Variants in TMEM161A observed in about 807,000 individuals in gnomAD.
The protein encoded by TMEM161A is transmembrane protein 161A.
In TMEM161A, 46 loss-of-function variants were observed where a neutral mutation model predicts 57.1. That is an observed-to-expected ratio of 0.81 (90% confidence interval 0.64 to 1.03). The LOEUF is 1.03. TMEM161A is among the 50% of genes least tolerant of loss of function. The probability of loss-of-function intolerance (pLI) is 0.00; values close to 1 mark genes in which losing one functional copy is unlikely to be tolerated. For missense variants in TMEM161A, 601 were observed against 621.5 expected, an observed-to-expected ratio of 0.97 and a Z score of 0.35; for synonymous variants, 288 against 279.0, an observed-to-expected ratio of 1.03 and a Z score of -0.32.
At chr19:19,123,610 A>G (rs2059919635) in intron 6 of TMEM161A, among the ~76,000 whole-genome samples, 1 of 152,234 alleles carries the variant, frequency 6.6e-6, no homozygotes, top group Non-Finnish European at 1.5e-5. Flanking sequence ...CTACATTGAA[A>G]ATATCCAGCT....
rs2059993709 is a variant in TMEM161A at position 19,138,442 on chromosome 19, A to C, written c.-14T>G. The C allele has an allele frequency of 6.2e-7, 1 of 1,601,150 alleles. No homozygotes were observed. The highest frequency in any genetic ancestry group is 8.5e-7 in the Non-Finnish European group (1 of 1,174,168). On this transcript the variant is annotated 5_prime_UTR_variant, in exon 1 of 12. Coordinates refer to ENST00000162044, the MANE Select transcript of TMEM161A (RefSeq NM_017814.3). ...CTCGCTCACCATGACGCGTGCGAGA[A>C]CGCGGTGCACTCACCCACCGGCCTA...
At position 19,132,973 on chromosome 19, in the gene TMEM161A, C is replaced by G. The variant is rs2059965892; in HGVS notation, c.188+157G>C. 4.1e-6 allele frequency: 3 copies of G among 738,870 alleles called. No homozygotes were observed. Among genetic ancestry groups the G allele is most frequent in the Non-Finnish European group, 6.6e-6 (3 of 456,304 alleles). 45.8% of individuals were successfully genotyped at this position (738,870 alleles called of 1,614,324 possible). ...ACTTGACAGTGACCATCTCCTTGGA[C>G]TAGGGTCTCCCGGTTCACCTGTGCC... On this transcript the variant is annotated intron_variant, in intron 3 of 11. Transcript: ENST00000162044. The surrounding 1 kb of genome is among the most constrained non-coding windows in gnomAD (Gnocchi z 4.3).
chr19:19,132,590 C>T lies in TMEM161A; in HGVS notation c.286+67G>A. Reference sequence around the variant, plus strand: ...CATTCTTCCTTCAAATCCTCCCCACCCCCATGAGGGTGTGGAGACCTTCAG... The same window carrying T: ...CATTCTTCCTTCAAATCCTCCCCACTCCCATGAGGGTGTGGAGACCTTCAG... On this transcript the variant is annotated intron_variant, in intron 4 of 11. Coordinates refer to ENST00000162044, the MANE Select transcript of TMEM161A (RefSeq NM_017814.3). This position sits in a 1 kb window ranked among gnomAD's most constrained non-coding sequence, Gnocchi z 4.3. 3 of 1,572,130 alleles carry T rather than the reference C, an allele frequency of 1.9e-6. No homozygotes were observed. Among genetic ancestry groups the T allele is most frequent in the Non-Finnish European group, 2.6e-6 (3 of 1,157,692 alleles).
chr19:19,119,779 G>A lies in TMEM161A; in HGVS notation c.*151C>T. ...GAGGCAGAAACTCGGCGTCCAAGGGGGGCCGCGGGTCAGGCACTGTGGTGA... is the reference window on the plus strand; with the variant it reads ...GAGGCAGAAACTCGGCGTCCAAGGGAGGCCGCGGGTCAGGCACTGTGGTGA... On this transcript the variant is annotated 3_prime_UTR_variant, in exon 12 of 12. Transcript: ENST00000162044. 2.0e-6 allele frequency: 2 copies of A among 982,816 alleles called. No individual in the cohort carries two copies. The highest frequency in any genetic ancestry group is 2.8e-5 in the Admixed American group (1 of 35,438). The allele number at this position is 982,816 out of a possible 1,614,324, so 60.9% of individuals were successfully genotyped here.
chr19:19,133,383 TCTAGGCTGAG>T, intron 2 of TMEM161A, 173 bp from the exon 3 acceptor site: 1 of 614,354 alleles, frequency 1.6e-6, no homozygotes. Flanking sequence ...GACCAACAGA[TCTAGGCTGAG>T]TGGGCTCCGG....
At chr19:19,123,975 A>T (rs2090044871) in intron 6 of TMEM161A, among the ~76,000 whole-genome samples, 1 of 151,732 alleles carries the variant, frequency 6.6e-6, no homozygotes, top group African/African-American at 2.4e-5. Context: ...AATCGCTTGA[A>T]CCCAGGAGGT....
chr19:19,120,254 G>A, intron 11 of TMEM161A, 71 bp from the exon 12 acceptor site: 2 of 1,307,596 alleles, frequency 1.5e-6, no homozygotes, highest in Non-Finnish European at 2.1e-6. Context: ...GGCTGGCACG[G>A]GGGGCCAGGC....
chr19:19,125,548 G>A (rs1393598500), intron 6 of TMEM161A, among the ~76,000 whole-genome samples: 30 of 133,586 alleles, frequency 2.2e-4, no homozygotes, highest in Non-Finnish European at 4.0e-4. Context: ...ACGGAGTCTC[G>A]CTCTGTTGCC....
Position 19,121,761 on chromosome 19 carries a change from C to T in TMEM161A, c.654G>A (p.Trp218Ter), listed in dbSNP as rs760421236. ...EPLLKKQGWD[W>*]ALPVAKLAIR... ...CCTCCCCCATTCCCAGGACTCACGC[C>T]CAGTCCCAGCCCTGCTTCTTCAGAA... Residue 218 changes from tryptophan (W) to a stop codon, truncating the protein, a stop_gained and splice_region_variant, in exon 7 of 12, where the codon TGG becomes TGA. Transcript: ENST00000162044. LOFTEE classifies it high-confidence loss of function. The surrounding 1 kb of genome is among the most constrained non-coding windows in gnomAD (Gnocchi z 5.8). The T allele has an allele frequency of 1.2e-6, 2 of 1,614,090 alleles. No homozygotes were observed. The highest frequency in any genetic ancestry group is 2.2e-5 in the East Asian group (1 of 44,878).
At chr19:19,138,352 T>G in intron 1 of TMEM161A, 74 bp downstream of exon 1, 1 of 1,561,616 alleles carries the variant, frequency 6.4e-7, no homozygotes, top group Admixed American at 1.9e-5. Flanking sequence ...ATCCATTCCC[T>G]CAGTGTCTCC....
intron 1 of TMEM161A, among the ~76,000 whole-genome samples, chr19:19,135,509 T>C (rs886967597): frequency 6.6e-6 from 1 of 152,184 alleles, no homozygotes; most frequent in Non-Finnish European, 1.5e-5. Context: ...CCTCCTGTTT[T>C]GGTGTGAAGA....
rs1283681368 is a variant in TMEM161A at position 19,121,784 on chromosome 19, G to C, written c.631C>G (p.Leu211Val). ...GCCCAGTCCCAGCCCTGCTTCTTCAGAAGTGGCTCTAAGTTCTGGGTCATG... is the reference window on the plus strand; with the variant it reads ...GCCCAGTCCCAGCCCTGCTTCTTCACAAGTGGCTCTAAGTTCTGGGTCATG... ...ASMTQNLEPL[L>V]KKQGWDWALP... is the part of the protein sequence containing the mutation. Residue 211 changes from leucine to valine, a missense_variant, in exon 7 of 12, where the codon CTG (leucine) becomes GTG (valine). By Grantham distance (32) the Leu-to-Val change is conservative. Transcript: ENST00000162044. This position sits in a 1 kb window ranked among gnomAD's most constrained non-coding sequence, Gnocchi z 5.8. 4 of 1,613,916 alleles carry C rather than the reference G, an allele frequency of 2.5e-6. No homozygotes were observed. In the African/African-American group the frequency reaches 4.0e-5, roughly 16 times the overall value.
chr19:19,123,298 G>C (rs894560291), intron 6 of TMEM161A, among the ~76,000 whole-genome samples: 30 of 152,196 alleles, frequency 2.0e-4, no homozygotes, highest in Non-Finnish European at 1.2e-4. Context: ...GAAGTTTGCA[G>C]AATGAAAGAC....
At chr19:19,136,461 G>T (rs1043950125) in intron 1 of TMEM161A, among the ~76,000 whole-genome samples, 4 of 152,120 alleles carry the variant, frequency 2.6e-5, no homozygotes, top group African/African-American at 7.2e-5. Flanking sequence ...TTTGAGACGA[G>T]CCTGGCCAAC....
rs2059966250 is a variant in TMEM161A at position 19,133,036 on chromosome 19, TG to T, written c.188+93del. ...TGGAAGTATGGGTGGGCCGGTCCTG[TG>T]TCCCTGAGCCCAGAGCCCCCTGAGC... On this transcript the variant is annotated intron_variant, in intron 3 of 11. Coordinates refer to ENST00000162044, the MANE Select transcript of TMEM161A (RefSeq NM_017814.3). 3.9e-5 allele frequency: 48 copies of T among 1,232,252 alleles called. 1 individual carries two copies. The South Asian group carries it at 6.6e-4, about 17-fold the overall frequency. The allele number at this position is 1,232,252 out of a possible 1,614,324, so 76.3% of individuals were successfully genotyped here.
chr19:19,134,056 G>GT (rs71168802), intron 2 of TMEM161A, among the ~76,000 whole-genome samples: 92,517 of 147,244 alleles, frequency 0.63, 29,079 homozygotes, highest in Non-Finnish European at 0.67. Flanking sequence ...TCTCTGACGT[G>GT]TTTTTTTTTT....
At chr19:19,120,313 C>T (rs2146324350) in intron 11 of TMEM161A, 130 bp from the exon 12 acceptor site, 1 of 825,204 alleles carries the variant, frequency 1.2e-6, no homozygotes, top group East Asian at 2.7e-5. Context: ...ATCTCCAGCC[C>T]AGTCTCCACC....
chr19:19,130,336 G>C (rs1436523158), intron 5 of TMEM161A, 29 bp from the exon 6 acceptor site: 29 of 1,610,126 alleles, frequency 1.8e-5, no homozygotes, highest in Middle Eastern at 1.6e-4. Context: ...GAGGCCTCAG[G>C]TGCCACTGCC....
At chr19:19,129,366 T>G (rs143518794) in intron 6 of TMEM161A, among the ~76,000 whole-genome samples, 1 of 152,014 alleles carries the variant, frequency 6.6e-6, no homozygotes, top group Non-Finnish European at 1.5e-5. Flanking sequence ...ATGTGGGCCA[T>G]GGTGAGGGCT....
Sources: gnomAD v4.1 joint callset for allele counts (sites outside exome capture counted in the v4.1 genomes callset) on GRCh38, gnomAD v4.1.1 for gene constraint, Gnocchi (gnomAD v3.1) non-coding constraint, MANE v1.5 for transcripts, NCBI Gene and HGNC (gene_info 2026-07-23, HGNC 2026-07-21) for gene names.